Variants in FARP1 observed in about 807,000 individuals in gnomAD.
The protein encoded by FARP1 is FERM, ARH/RhoGEF and pleckstrin domain protein 1.
In FARP1, 52 loss-of-function variants were observed where a neutral mutation model predicts 128.8. The observed-to-expected ratio is 0.40, with a 90% CI of 0.32 to 0.51. FARP1 has a LOEUF of 0.51. Among genes scored for constraint, FARP1 ranks in the 20% least tolerant of loss-of-function variants. FARP1 has a pLI of 0.45. For synonymous variants in FARP1, 580 were observed against 551.8 expected (o/e 1.05, Z -0.72); for missense variants, 1,333 against 1,367.9 (o/e 0.97, Z 0.40).
At chr13:98,256,948 GATATATATATATATATATAT>G (rs56701739) in intron 2 of FARP1, among the ~76,000 whole-genome samples, 29 of 77,094 alleles carry the variant, frequency 3.8e-4, no homozygotes, top group East Asian at 1.3e-3. Context: ...TATATATGTG[GATATATATATATATATATAT>G]ATATATATAT....
intron 1 of FARP1, among the ~76,000 whole-genome samples, chr13:98,211,030 A>G (rs1206393205): frequency 6.6e-6 from 1 of 151,586 alleles, no homozygotes; most frequent in Non-Finnish European, 1.5e-5. Context: ...TGCCCTCCCA[A>G]CCCTCTTTCT....
At chr13:98,350,030 A>G (rs1054395917) in intron 3 of FARP1, among the ~76,000 whole-genome samples, 4 of 152,162 alleles carry the variant, frequency 2.6e-5, no homozygotes, top group Admixed American at 6.6e-5. Flanking sequence ...TTTGAGGAAC[A>G]TGGGAGGTGT....
At chr13:98,321,268 C>G (rs551514883) in intron 2 of FARP1, among the ~76,000 whole-genome samples, 1 of 152,256 alleles carries the variant, frequency 6.6e-6, no homozygotes, top group Admixed American at 6.5e-5. Flanking sequence ...CCATTTGTTT[C>G]TGTGGAGTCG....
Position 98,176,862 on chromosome 13 carries a change from C to A in FARP1, c.-24+33370C>A. The A allele has an allele frequency of 5.6e-6, 9 of 1,608,758 alleles. No individual in the cohort carries two copies. Among genetic ancestry groups the A allele is most frequent in the Non-Finnish European group, 7.6e-6 (9 of 1,179,848 alleles). On this transcript the variant is annotated intron_variant, in intron 1 of 26. Transcript: ENST00000319562. This position sits in a 1 kb window ranked among gnomAD's most constrained non-coding sequence, Gnocchi z 6.2. Reference sequence around the variant, plus strand: ...CCCGCTGGCTGCACTTGAGGATGGTCGGCGTATGGTGCTCCTTCTCGGTGT... The same window carrying A: ...CCCGCTGGCTGCACTTGAGGATGGTAGGCGTATGGTGCTCCTTCTCGGTGT...
intron 8 of FARP1, among the ~76,000 whole-genome samples, chr13:98,386,465 CTT>C (rs1890103297): frequency 6.6e-6 from 1 of 152,128 alleles, no homozygotes; most frequent in Non-Finnish European, 1.5e-5. Context: ...ATGCTTCTCT[CTT>C]AGTAGCCTTA....
At chr13:98,277,606 G>A (rs1884721963) in intron 2 of FARP1, among the ~76,000 whole-genome samples, 1 of 152,174 alleles carries the variant, frequency 6.6e-6, no homozygotes, top group African/African-American at 2.4e-5. Flanking sequence ...GAGGCCTTCT[G>A]GGAGACCTTC....
chr13:98,357,266 G>A (rs1888681139), intron 3 of FARP1, among the ~76,000 whole-genome samples: 1 of 152,016 alleles, frequency 6.6e-6, no homozygotes, highest in South Asian at 2.1e-4. Flanking sequence ...ATCATCTTTT[G>A]TTCCTTTTAT....
At chr13:98,342,033 T>G (rs1887995418) in intron 2 of FARP1, among the ~76,000 whole-genome samples, 1 of 152,236 alleles carries the variant, frequency 6.6e-6, no homozygotes, top group South Asian at 2.1e-4. Flanking sequence ...TTTTATTGAT[T>G]TGTTCATTCG....
At chr13:98,306,280 A>G (rs1886151130) in intron 2 of FARP1, among the ~76,000 whole-genome samples, 1 of 152,226 alleles carries the variant, frequency 6.6e-6, no homozygotes, top group South Asian at 2.1e-4. Flanking sequence ...TGGGAAAAGG[A>G]GAAATTGCCT....
intron 2 of FARP1, among the ~76,000 whole-genome samples, chr13:98,231,500 T>C (rs1882113623): frequency 6.6e-6 from 1 of 152,160 alleles, no homozygotes; most frequent in African/African-American, 2.4e-5. Context: ...TGCAGTGGCA[T>C]AATCTTGGCT....
intron 2 of FARP1, among the ~76,000 whole-genome samples, chr13:98,265,154 T>C (rs1466115881): frequency 4.6e-5 from 7 of 152,134 alleles, no homozygotes; most frequent in African/African-American, 1.4e-4. Context: ...GTACAAAGCA[T>C]GTGAAGGTGG....
In FARP1 at chr13:98,431,205, A is replaced by G; in HGVS notation, c.2068A>G (p.Met690Val). Residue 690 changes from methionine (M) to valine (V), a missense_variant, in exon 18 of 27, where the codon ATG becomes GTG. Met to Val is a conservative substitution (Grantham distance 21, BLOSUM62 1). Around this residue, in one of 2 missense-constraint regions of FARP1, gnomAD observed 1,009 missense variants for 969.8 expected, o/e 1.04. Transcript: ENST00000319562. ...TFLLRPLHRL[M>V]HYKQVLERLC... ...CCTCCTGCGGCCACTGCACCGGCTC[A>G]TGCACTACAAGCAGGTCCTGGAGCG... The G allele has an allele frequency of 6.2e-7, 1 of 1,609,964 alleles. No individual in the cohort carries two copies. Among genetic ancestry groups the G allele is most frequent in the Non-Finnish European group, 8.5e-7 (1 of 1,178,160 alleles).
At chr13:98,405,765 G>A (rs1319231920) in intron 13 of FARP1, 1 of 152,030 alleles carries the variant, frequency 6.6e-6, no homozygotes, top group Non-Finnish European at 1.5e-5. Flanking sequence ...TATTTACCTC[G>A]AGTTCCCTAA....
chr13:98,423,806 GTAC>G (rs1891681220), intron 16 of FARP1, among the ~76,000 whole-genome samples: 1 of 152,230 alleles, frequency 6.6e-6, no homozygotes. Context: ...TACATGGACA[GTAC>G]TTAGTAAATA....
At chr13:98,361,123 C>T (rs1888855395) in intron 3 of FARP1, among the ~76,000 whole-genome samples, 1 of 152,190 alleles carries the variant, frequency 6.6e-6, no homozygotes, top group Admixed American at 6.5e-5. Flanking sequence ...CTTTTTGCTG[C>T]TCCCAGCTCA....
intron 2 of FARP1, among the ~76,000 whole-genome samples, chr13:98,293,680 C>T (rs1246521653): frequency 1.3e-5 from 2 of 152,112 alleles, no homozygotes; most frequent in Non-Finnish European, 2.9e-5. Flanking sequence ...GGAAGTAAAG[C>T]CAGGGGCTAT....
chr13:98,305,100 A>ATG (rs1886082196), intron 2 of FARP1, among the ~76,000 whole-genome samples: 1 of 95,158 alleles, frequency 1.1e-5, no homozygotes, highest in Non-Finnish European at 2.1e-5. Context: ...GAATATTTAA[A>ATG]TGTGTATATA....
chr13:98,174,844 A>T (rs1877887805), intron 1 of FARP1, among the ~76,000 whole-genome samples: 1 of 152,210 alleles, frequency 6.6e-6, no homozygotes, highest in Admixed American at 6.5e-5. Context: ...TGAGGCACAG[A>T]GAGGTAAAGT....
intron 1 of FARP1, among the ~76,000 whole-genome samples, chr13:98,146,827 G>GCC (rs1418908306): frequency 6.6e-6 from 1 of 152,160 alleles, no homozygotes; most frequent in Non-Finnish European, 1.5e-5. Context: ...ATTGAAAGGA[G>GCC]CCTCTCCAAG....
Sources: gnomAD v4.1 joint callset for allele counts (sites outside exome capture counted in the v4.1 genomes callset) on GRCh38, gnomAD v4.1.1 for gene constraint, gnomAD v4.1.1 regional missense constraint, Gnocchi (gnomAD v3.1) non-coding constraint, MANE v1.5 for transcripts, NCBI Gene and HGNC (gene_info 2026-07-23, HGNC 2026-07-21) for gene names.